The following CLIC5 variants were observed in gnomAD, a reference collection of about 807,000 sequenced individuals.
The protein encoded by CLIC5 is CLIC family member 5.
A neutral mutation model predicts 24.7 loss-of-function variants in CLIC5; 20 were observed. The ratio of observed to expected loss-of-function variants is 0.81; its 90% CI spans 0.57 to 1.18. The LOEUF (loss-of-function observed/expected upper bound fraction) is 1.18. CLIC5 is among the 50% of genes most tolerant of loss of function. CLIC5 has a pLI of 0.00. For synonymous variants in CLIC5, 159 were observed against 135.6 expected (o/e 1.17, Z -1.20); for missense variants, 341 against 326.1 (o/e 1.05, Z -0.35).
At chr6:45,890,339 A>G (rs577130382) in intron 6 of CLIC5, among the ~76,000 whole-genome samples, 1 of 152,356 alleles carries the variant, frequency 6.6e-6, no homozygotes, top group South Asian at 2.1e-4. Context: ...ATTATCAGAA[A>G]AAAATGAAAA....
At chr6:46,016,278 C>T (rs888499957), upstream of CLIC5, among the ~76,000 whole-genome samples, 3 of 152,234 alleles carry the variant, frequency 2.0e-5, no homozygotes, top group Admixed American at 6.5e-5. Context: ...TTTAATAAAG[C>T]GTCAGCTCCT....
At chr6:45,939,906 G>T (rs1185329238) in intron 4 of CLIC5, among the ~76,000 whole-genome samples, 1 of 151,890 alleles carries the variant, frequency 6.6e-6, no homozygotes, top group Admixed American at 6.6e-5. Context: ...CACACTATAG[G>T]GTTCAAGCAG....
chr6:46,085,243 T>G (rs1352833773), upstream of CLIC5, among the ~76,000 whole-genome samples: 1 of 152,228 alleles, frequency 6.6e-6, no homozygotes, highest in African/African-American at 2.4e-5. Context: ...CTCGGAGTAG[T>G]TTGATCGTCT....
At chr6:46,054,438 T>C (rs1251651269) in intron 1 of CLIC5, among the ~76,000 whole-genome samples, 1 of 152,184 alleles carries the variant, frequency 6.6e-6, no homozygotes, top group East Asian at 1.9e-4. Context: ...AGCTAATCCC[T>C]GGGTATAATT....
intron 1 of CLIC5, among the ~76,000 whole-genome samples, chr6:45,957,789 G>A (rs1764694364): frequency 6.6e-6 from 1 of 152,118 alleles, no homozygotes; most frequent in African/African-American, 2.4e-5. Flanking sequence ...AATCCCAACA[G>A]CCTTGCGGCC....
intron 1 of CLIC5, among the ~76,000 whole-genome samples, chr6:45,962,612 A>G (rs1764888469): frequency 6.6e-6 from 1 of 152,100 alleles, no homozygotes; most frequent in Non-Finnish European, 1.5e-5. Context: ...TAAATATTTT[A>G]CTTGATTCAG....
chr6:45,939,377 C>T (rs1380000251), intron 4 of CLIC5, among the ~76,000 whole-genome samples: 1 of 151,920 alleles, frequency 6.6e-6, no homozygotes, highest in African/African-American at 2.4e-5. Context: ...TCACATCTGG[C>T]TAATTTTTGT....
At chr6:45,950,597 T>A (rs1764439155) in intron 2 of CLIC5, among the ~76,000 whole-genome samples, 1 of 152,122 alleles carries the variant, frequency 6.6e-6, no homozygotes, top group East Asian at 1.9e-4. Context: ...TAAAAACTCA[T>A]ACATTTTAAA....
At chr6:46,091,053 C>T in the CLIC5 span, among the ~76,000 whole-genome samples, 394 of 152,316 alleles carry the variant, frequency 2.6e-3, 2 homozygotes, top group Admixed American at 4.4e-3. Flanking sequence ...CATGGCAGCG[C>T]GAAGTTGCTC....
the CLIC5 span, among the ~76,000 whole-genome samples, chr6:46,125,636 A>G: frequency 6.6e-6 from 1 of 152,116 alleles, no homozygotes; most frequent in East Asian, 1.9e-4. Context: ...AAGATAATTT[A>G]CTGAGTCATG....
chr6:46,050,588 A>C (rs1284501487), intron 1 of CLIC5, among the ~76,000 whole-genome samples: 1 of 152,212 alleles, frequency 6.6e-6, no homozygotes, highest in Admixed American at 6.5e-5. Flanking sequence ...AAATTAAAAC[A>C]CTAAAAGATG....
chr6:46,042,797 A>T (rs1249630267), intron 1 of CLIC5, among the ~76,000 whole-genome samples: 1 of 152,108 alleles, frequency 6.6e-6, no homozygotes, highest in Non-Finnish European at 1.5e-5. Flanking sequence ...CCTCAGAGAG[A>T]TGGGGCACTT....
Position 45,971,406 on chromosome 6 carries a change from C to T in CLIC5, c.64-16162G>A, listed in dbSNP as rs566404395. On this transcript the variant is annotated intron_variant, in intron 1 of 5. Transcript: ENST00000339561. ...TTTTATTATGGTCATCTCGTCTCCA[C>T]CCAAACCCCCACCAAACTATTTCTA... Among the ~76,000 whole-genome samples, 11 of 152,270 alleles carry T rather than the reference C, an allele frequency of 7.2e-5. No individual in the cohort carries two copies. The South Asian group carries it at 2.1e-3, about 29-fold the overall frequency.
chr6:46,085,495 C>G, the CLIC5 span, among the ~76,000 whole-genome samples: 2 of 152,210 alleles, frequency 1.3e-5, no homozygotes, highest in Non-Finnish European at 2.9e-5. Context: ...TTCTAACAGA[C>G]AGGACCCTCA....
chr6:46,049,373 C>G (rs1224670153), intron 1 of CLIC5, among the ~76,000 whole-genome samples: 2 of 152,186 alleles, frequency 1.3e-5, no homozygotes, highest in African/African-American at 4.8e-5. Context: ...TTAAGTTTTA[C>G]CCATGCTTCT....
chr6:45,959,103 T>C (rs1204333), intron 1 of CLIC5, among the ~76,000 whole-genome samples: 127,615 of 151,806 alleles, frequency 0.84, 54,254 homozygotes, highest in Non-Finnish European at 0.9. Context: ...ATAAGTTACC[T>C]CCTCTTGGCC....
chr6:46,113,753 G>T, the CLIC5 span, among the ~76,000 whole-genome samples: 1 of 152,128 alleles, frequency 6.6e-6, no homozygotes, highest in African/African-American at 2.4e-5. Flanking sequence ...GGCCTTTAAA[G>T]AGGTAATCAA....
At chr6:46,052,204 A>T (rs746359971) in intron 1 of CLIC5, among the ~76,000 whole-genome samples, 1 of 152,134 alleles carries the variant, frequency 6.6e-6, no homozygotes, top group African/African-American at 2.4e-5. Context: ...TGAGATTTGC[A>T]GGACCTATTC....
chr6:46,128,196 T>G, the CLIC5 span, among the ~76,000 whole-genome samples: 1 of 152,208 alleles, frequency 6.6e-6, no homozygotes, highest in Non-Finnish European at 1.5e-5. Context: ...CCACTTTATC[T>G]TACAGAGCAA....
Sources: allele counts gnomAD v4.1 joint callset (sites outside exome capture counted in the v4.1 genomes callset), GRCh38; gene constraint gnomAD v4.1.1; transcripts MANE v1.5; gene names NCBI Gene and HGNC (gene_info 2026-07-23, HGNC 2026-07-21).